The following TIMMDC1 variants were observed in gnomAD, a reference collection of about 807,000 sequenced individuals.
The protein encoded by TIMMDC1 is translocase of inner mitochondrial membrane domain containing 1.
In TIMMDC1, 25 loss-of-function variants were observed where a neutral mutation model predicts 32.6. The observed-to-expected ratio is 0.77, with a 90% CI of 0.56 to 1.07. TIMMDC1 has a LOEUF of 1.07. TIMMDC1 is among the 50% of genes least tolerant of loss of function. The probability of loss-of-function intolerance (pLI) is 0.00; values close to 1 mark genes in which losing one functional copy is unlikely to be tolerated. For missense variants in TIMMDC1, 329 were observed against 349.2 expected (o/e 0.94, Z 0.46); for synonymous variants, 130 against 127.6 (o/e 1.02, Z -0.13).
At chr3:119,503,824 G>T in intron 3 of TIMMDC1, 130 bp from the exon 4 acceptor site, 1 of 838,658 alleles carries the variant, frequency 1.2e-6, no homozygotes, top group Non-Finnish European at 1.9e-6. Flanking sequence ...CATTGAAGGG[G>T]CCTAGGCTAG....
In TIMMDC1 at chr3:119,498,678, CCGCGAGGACTTGA is replaced by C; in HGVS notation, c.-55_-43del. 1.3e-6 allele frequency: 2 copies of C among 1,560,904 alleles called. No homozygotes were observed. Among genetic ancestry groups the C allele is most frequent in the Non-Finnish European group, 1.8e-6 (2 of 1,138,388 alleles). On this transcript the variant is annotated 5_prime_UTR_variant, in exon 1 of 7. It removes the in-frame stop codon of an upstream open reading frame in the 5' UTR. Transcript: ENST00000494664. ...ACAGTTACGCTCTCCCGCGGCACGTCCGCGAGGACTTGAAGTCCTGAGCGCTCAAGTTTGTCCG... is the reference window on the plus strand; with the variant it reads ...ACAGTTACGCTCTCCCGCGGCACGTCAGTCCTGAGCGCTCAAGTTTGTCCG...
rs574679410 is a variant in TIMMDC1 at position 119,515,803 on chromosome 3, G to C, written c.597-1402G>C. Among the ~76,000 whole-genome samples the C allele has an allele frequency of 2.0e-5, 3 of 152,302 alleles. No individual in the cohort carries two copies. In the South Asian group the frequency reaches 6.2e-4, roughly 32 times the overall value. ...CCATGCTGTAATCGGTTGGTTACTA[G>C]AAAGGTGGTTGTAAATGTTGATAAG... On this transcript the variant is annotated intron_variant, in intron 5 of 6. Transcript: ENST00000494664.
intron 4 of TIMMDC1, among the ~76,000 whole-genome samples, chr3:119,510,322 C>A (rs2081945135): frequency 6.6e-6 from 1 of 151,918 alleles, no homozygotes; most frequent in Admixed American, 6.6e-5. Flanking sequence ...AAGAAAATTA[C>A]AAATCATAAA....
chr3:119,511,667 A>G (rs1255134326), intron 4 of TIMMDC1, among the ~76,000 whole-genome samples: 1 of 152,172 alleles, frequency 6.6e-6, no homozygotes, highest in Non-Finnish European at 1.5e-5. Context: ...ATTAAATGTA[A>G]ACAATGCCAA....
chr3:119,521,200 A>C (rs2082024539), intron 6 of TIMMDC1, among the ~76,000 whole-genome samples: 1 of 152,212 alleles, frequency 6.6e-6, no homozygotes, highest in South Asian at 2.1e-4. Flanking sequence ...CACTCTTACC[A>C]GTCTTGTTCA....
chr3:119,501,104 A>G (rs1475899281), intron 2 of TIMMDC1, among the ~76,000 whole-genome samples: 2 of 152,216 alleles, frequency 1.3e-5, no homozygotes, highest in Non-Finnish European at 2.9e-5. Context: ...TTCTTTCTCA[A>G]ATACATTTCT....
Position 119,524,863 on chromosome 3 carries a change from A to G in TIMMDC1, c.*1107A>G, listed in dbSNP as rs920785992. On this transcript the variant is annotated 3_prime_UTR_variant, in exon 7 of 7. Transcript: ENST00000494664. ...CATCTTAGGGATCTAAGGAGGCCCT[A>G]TGGAAAGTTACTACCTTAGACATTT... is the stretch of plus-strand genomic sequence containing the variant. 3.3e-5 allele frequency: 5 copies of G among 152,232 alleles called. No individual in the cohort carries two copies. The highest frequency in any genetic ancestry group is 3.3e-4 in the Admixed American group (5 of 15,280). The allele number at this position is 152,232 out of a possible 1,614,324, so 9.4% of individuals were successfully genotyped here. A position where few individuals can be genotyped will look rare whatever the true frequency, so the allele number is the denominator to read the frequency against.
chr3:119,512,789 A>G (rs1395723034), intron 4 of TIMMDC1, among the ~76,000 whole-genome samples: 1 of 152,212 alleles, frequency 6.6e-6, no homozygotes, highest in Non-Finnish European at 1.5e-5. Flanking sequence ...CGCTGAGGCT[A>G]GAGTGCAGGA....
At chr3:119,513,547 T>C (rs756845922) in intron 4 of TIMMDC1, 94 bp from the exon 5 acceptor site, 3 of 899,774 alleles carry the variant, frequency 3.3e-6, no homozygotes, top group Non-Finnish European at 5.4e-6. Flanking sequence ...TTCAGAAAGC[T>C]CACTTAGGGA....
chr3:119,521,714 G>A (rs747604218), intron 6 of TIMMDC1, among the ~76,000 whole-genome samples: 7 of 151,378 alleles, frequency 4.6e-5, no homozygotes, highest in East Asian at 1.9e-4. Flanking sequence ...AAAAGTGGGC[G>A]GGGGAGCTTG....
chr3:119,515,591 A>G (rs1273822207), intron 5 of TIMMDC1, among the ~76,000 whole-genome samples: 1 of 152,256 alleles, frequency 6.6e-6, no homozygotes, highest in Non-Finnish European at 1.5e-5. Flanking sequence ...GGGATTAGGC[A>G]GGATATTTGG....
chr3:119,505,802 A>T (rs1200592632), intron 4 of TIMMDC1, among the ~76,000 whole-genome samples: 1 of 152,260 alleles, frequency 6.6e-6, no homozygotes, highest in Non-Finnish European at 1.5e-5. Flanking sequence ...CTGAGAATTT[A>T]TCCGAAATTA....
At chr3:119,506,451 C>T (rs769425531) in intron 4 of TIMMDC1, among the ~76,000 whole-genome samples, 31 of 150,312 alleles carry the variant, frequency 2.1e-4, no homozygotes, top group Non-Finnish European at 3.2e-4. Flanking sequence ...CCCAGGAGGT[C>T]GAGGCTACAG....
At chr3:119,506,943 A>G (rs1180519708) in intron 4 of TIMMDC1, among the ~76,000 whole-genome samples, 1 of 152,124 alleles carries the variant, frequency 6.6e-6, no homozygotes, top group Non-Finnish European at 1.5e-5. Flanking sequence ...TTACCTTTCA[A>G]AGTCCAGATC....
chr3:119,504,041 AT>A lies in TIMMDC1; in HGVS notation c.517+25del. On this transcript the variant is annotated intron_variant, in intron 4 of 6. Transcript: ENST00000494664. ...CAGGAGGTAAGACATTTTTGTTTAT[AT>A]TTTTCAGTCTTCTCAAATACAGTTT... The A allele has an allele frequency of 6.3e-7, 1 of 1,576,532 alleles. No homozygotes were observed. The highest frequency in any genetic ancestry group is 1.1e-5 in the South Asian group (1 of 90,206).
rs1279281184 is a variant in TIMMDC1 at position 119,498,578 on chromosome 3, G to A, written c.-156G>A. 1 of 680,460 alleles carries A rather than the reference G, an allele frequency of 1.5e-6. No individual in the cohort carries two copies. The highest frequency in any genetic ancestry group is 2.7e-5 in the East Asian group (1 of 37,636). The allele number at this position is 680,460 out of a possible 1,614,324, so 42.2% of individuals were successfully genotyped here. A position where few individuals can be genotyped will look rare whatever the true frequency, so the allele number is the denominator to read the frequency against. ...TTTCCAAGGACTCCAAAGCGAGGCC[G>A]GGGACTGAAGGTGTGGGTGTCGAGC... On this transcript the variant is annotated 5_prime_UTR_variant, in exon 1 of 7. Coordinates refer to ENST00000494664, the MANE Select transcript of TIMMDC1 (RefSeq NM_016589.4).
At chr3:119,521,079 A>G (rs538656121) in intron 6 of TIMMDC1, among the ~76,000 whole-genome samples, 2 of 152,314 alleles carry the variant, frequency 1.3e-5, no homozygotes, top group African/African-American at 2.4e-5. Context: ...TAGAAGGACT[A>G]TTTCTCAGTA....
chr3:119,499,326 T>C (rs1211574358), intron 1 of TIMMDC1, among the ~76,000 whole-genome samples: 3 of 151,904 alleles, frequency 2.0e-5, no homozygotes, highest in Non-Finnish European at 4.4e-5. Flanking sequence ...TCTTGAACTC[T>C]TGGACTTAGG....
chr3:119,501,083 C>CAA (rs2081871195), intron 2 of TIMMDC1, among the ~76,000 whole-genome samples: 1 of 152,222 alleles, frequency 6.6e-6, no homozygotes, highest in Non-Finnish European at 1.5e-5. Flanking sequence ...TTGGCATCAC[C>CAA]ACTGTGGCTT....
Sources: allele counts gnomAD v4.1 joint callset (sites outside exome capture counted in the v4.1 genomes callset), GRCh38; gene constraint gnomAD v4.1.1; transcripts MANE v1.5; gene names NCBI Gene and HGNC (gene_info 2026-07-23, HGNC 2026-07-21).